Variants in PEAK1 observed in about 807,000 individuals in gnomAD.
PEAK1 encodes the protein pseudopodium enriched atypical kinase 1.
Under a neutral mutation model 124.7 loss-of-function variants are expected in PEAK1, and 54 were observed. The ratio of observed to expected loss-of-function variants is 0.43; its 90% CI spans 0.35 to 0.54. The LOEUF (loss-of-function observed/expected upper bound fraction) is 0.54, where lower values mean the gene tolerates loss of function less well. Ranked by LOEUF, PEAK1 falls within the 20% of genes least tolerant of loss-of-function variation. The probability of loss-of-function intolerance (pLI) is 0.01; values close to 1 mark genes in which losing one functional copy is unlikely to be tolerated. For synonymous variants in PEAK1, 719 were observed against 760.0 expected (o/e 0.95, Z 0.89); for missense variants, 2,046 against 2,134.5 (o/e 0.96, Z 0.82).
intron 1 of PEAK1, among the ~76,000 whole-genome samples, chr15:77,392,043 A>G (rs1056334180): frequency 3.9e-5 from 6 of 152,216 alleles, no homozygotes; most frequent in Non-Finnish European, 5.9e-5. Flanking sequence ...ATATACCCCT[A>G]TAATTGTACT....
intron 9 of PEAK1, among the ~76,000 whole-genome samples, chr15:77,128,522 T>C (rs1205609957): frequency 6.6e-6 from 1 of 152,216 alleles, no homozygotes; most frequent in East Asian, 1.9e-4. Context: ...TGCGCCACTA[T>C]GCAGAGCCAT....
intron 5 of PEAK1, among the ~76,000 whole-genome samples, chr15:77,274,062 T>C (rs1732109033): frequency 1.3e-5 from 2 of 152,166 alleles, no homozygotes; most frequent in African/African-American, 4.8e-5. Flanking sequence ...CTGGGATAAT[T>C]GGCAAGCCAC....
At chr15:77,376,610 T>TA (rs1168978595) in intron 1 of PEAK1, among the ~76,000 whole-genome samples, 1 of 152,238 alleles carries the variant, frequency 6.6e-6, no homozygotes, top group Non-Finnish European at 1.5e-5. Context: ...ATTTCGAAGA[T>TA]ACACTTTTCT....
chr15:77,358,746 C>T (rs774322845), intron 2 of PEAK1, among the ~76,000 whole-genome samples: 2 of 152,064 alleles, frequency 1.3e-5, no homozygotes, highest in African/African-American at 2.4e-5. Context: ...TATGGGGAAG[C>T]GAGAGAGCAC....
intron 6 of PEAK1, among the ~76,000 whole-genome samples, chr15:77,248,314 T>A (rs1405793525): frequency 6.6e-6 from 1 of 152,212 alleles, no homozygotes; most frequent in East Asian, 1.9e-4. Flanking sequence ...GAGAATGATA[T>A]CCTCATATAT....
chr15:77,366,781 T>TG (rs2068272387), intron 1 of PEAK1, among the ~76,000 whole-genome samples: 1 of 152,144 alleles, frequency 6.6e-6, no homozygotes, highest in African/African-American at 2.4e-5. Flanking sequence ...AGACTGGTCT[T>TG]GAACTACTGG....
chr15:77,213,779 A>T (rs1248548690), intron 6 of PEAK1, among the ~76,000 whole-genome samples: 1 of 152,222 alleles, frequency 6.6e-6, no homozygotes, highest in African/African-American at 2.4e-5. Context: ...TTGTTTATTA[A>T]GACATTATTT....
chr15:77,243,092 GCTAT>G (rs2060429359), intron 6 of PEAK1, among the ~76,000 whole-genome samples: 1 of 152,258 alleles, frequency 6.6e-6, no homozygotes, highest in South Asian at 2.1e-4. Context: ...GGATTGTGCT[GCTAT>G]CTTTCAGGAA....
chr15:77,327,169 A>T (rs1425613228), intron 2 of PEAK1, among the ~76,000 whole-genome samples: 1 of 152,156 alleles, frequency 6.6e-6, no homozygotes. Flanking sequence ...GAAAATATTC[A>T]AAGTTTTCAT....
chr15:77,228,534 AAG>A (rs950621939), intron 6 of PEAK1, among the ~76,000 whole-genome samples: 2 of 152,124 alleles, frequency 1.3e-5, no homozygotes, highest in Admixed American at 6.6e-5. Flanking sequence ...TTAAGGTGTA[AAG>A]AGAGAGAACA....
intron 9 of PEAK1, among the ~76,000 whole-genome samples, chr15:77,119,270 A>T (rs536754202): frequency 2.4e-4 from 36 of 152,248 alleles, no homozygotes; most frequent in Admixed American, 2.4e-3. Context: ...TCAGAGGAAC[A>T]TCAAAAGGGA....
chr15:77,209,794 A>G (rs2058821802), intron 6 of PEAK1, among the ~76,000 whole-genome samples: 1 of 152,186 alleles, frequency 6.6e-6, no homozygotes, highest in Non-Finnish European at 1.5e-5. Context: ...GTTACCTTAT[A>G]TGGATTCTCC....
At chr15:77,246,801 C>T (rs2060610689) in intron 6 of PEAK1, among the ~76,000 whole-genome samples, 1 of 151,994 alleles carries the variant, frequency 6.6e-6, no homozygotes, top group East Asian at 1.9e-4. Context: ...GGGCGGATCA[C>T]GAGGTCAGGA....
intron 5 of PEAK1, among the ~76,000 whole-genome samples, chr15:77,270,395 A>G (rs1199960723): frequency 6.6e-6 from 1 of 152,234 alleles, no homozygotes; most frequent in Admixed American, 6.5e-5. Context: ...GTCTCAGCCC[A>G]AAATCTCCTT....
chr15:77,162,257 G>A lies in PEAK1; in HGVS notation c.3138-3561C>T, dbSNP rs555646829. 7.2e-5 allele frequency among the ~76,000 whole-genome samples: 11 copies of A among 152,022 alleles called. No individual in the cohort carries two copies. The East Asian group carries it at 2.1e-3, about 29-fold the overall frequency. The stretch of plus-strand genomic sequence containing the variant: ...GCCTGTAATACCAGCACTTTGGGAG[G>A]CCGATGCAGGTGGATCACCTGAGGT... On this transcript the variant is annotated intron_variant, in intron 7 of 9. Transcript: ENST00000682557.
chr15:77,406,516 C>A (rs1010566166), intron 1 of PEAK1, among the ~76,000 whole-genome samples: 1 of 152,120 alleles, frequency 6.6e-6, no homozygotes, highest in East Asian at 1.9e-4. Context: ...ATCAATAACT[C>A]AACCCCTTTT....
chr15:77,246,723 A>G (rs897571608), intron 6 of PEAK1, among the ~76,000 whole-genome samples: 2 of 151,986 alleles, frequency 1.3e-5, no homozygotes, highest in Non-Finnish European at 2.9e-5. Flanking sequence ...TCCAATTATT[A>G]ATTGTGTATA....
intron 6 of PEAK1, among the ~76,000 whole-genome samples, chr15:77,239,357 C>CTGATACAGTAGCAGA (rs547940064): frequency 1.5e-3 from 232 of 152,250 alleles, no homozygotes; most frequent in African/African-American, 5.5e-3. Context: ...GGGTAAGAAA[C>CTGATACAGTAGCAGA]ACTGGTACAG....
intron 9 of PEAK1, among the ~76,000 whole-genome samples, chr15:77,118,061 G>A (rs2051556158): frequency 6.6e-6 from 1 of 152,168 alleles, no homozygotes; most frequent in South Asian, 2.1e-4. Flanking sequence ...ATGCTCTAAA[G>A]GAAAATGGTC....
Sources: gnomAD v4.1 joint callset for allele counts (sites outside exome capture counted in the v4.1 genomes callset) on GRCh38, gnomAD v4.1.1 for gene constraint, MANE v1.5 for transcripts, NCBI Gene and HGNC (gene_info 2026-07-23, HGNC 2026-07-21) for gene names.